EFL1: variants seen among roughly 807,000 people sequenced by gnomAD.
The protein encoded by EFL1 is elongation factor like GTPase 1, also known as elongation factor-like GTPase 1.
EFL1 carries 76 observed loss-of-function variants against 126.7 expected under a neutral mutation model. That is an observed-to-expected ratio of 0.60 (90% CI 0.50 to 0.73). The LOEUF (loss-of-function observed/expected upper bound fraction) is 0.73. Among genes scored for constraint, EFL1 ranks in the 30% least tolerant of loss-of-function variants. The pLI, the probability that EFL1 is intolerant of heterozygous loss-of-function variation, is 0.00. For synonymous variants in EFL1, 410 were observed against 448.4 expected, an observed-to-expected ratio of 0.91 and a Z score of 1.08; for missense variants, 1,128 against 1,343.2, an observed-to-expected ratio of 0.84 and a Z score of 2.50.
chr15:82,235,316 G>T (rs112646753), intron 7 of EFL1, among the ~76,000 whole-genome samples: 2,441 of 152,246 alleles, frequency 0.016, 68 homozygotes, highest in African/African-American at 0.056. Context: ...AATAAAGCTA[G>T]ACTAACTTTT....
At chr15:82,195,607 T>G (rs2074400350) in intron 15 of EFL1, among the ~76,000 whole-genome samples, 1 of 152,208 alleles carries the variant, frequency 6.6e-6, no homozygotes, top group Admixed American at 6.5e-5. Flanking sequence ...GTTTCCCATA[T>G]GTAACCTAGA....
rs965950622 is a variant in EFL1, at chr15:82,152,239, G to C, written c.2215C>G (p.Leu739Val). 3.1e-6 allele frequency: 5 copies of C among 1,614,172 alleles called. No individual in the cohort carries two copies. The highest frequency in any genetic ancestry group is 4.2e-6 in the Non-Finnish European group (5 of 1,180,020). The change falls in exon 18 of 20, where the codon CTA becomes GTA. Residue 739 changes from leucine to valine, a missense_variant. This residue lies in a region of EFL1 where 561 missense variants were observed against 641.7 expected (regional missense o/e 0.87). Transcript: ENST00000268206. ...PEGIQVDSDG[L>V]ITITTPNKLA... The stretch of plus-strand genomic sequence containing the variant: ...TTATTGGGAGTTGTTATGGTGATTA[G>C]CCCGTCAGAGTCAACTTGGATTCCT...
At chr15:82,180,482 C>T (rs2074241698) in intron 15 of EFL1, among the ~76,000 whole-genome samples, 4 of 150,836 alleles carry the variant, frequency 2.7e-5, no homozygotes, top group Admixed American at 2.6e-4. Context: ...TGGCAATAGA[C>T]TAATTATCCA....
At chr15:82,246,342 A>C (rs189774279) in intron 4 of EFL1, among the ~76,000 whole-genome samples, 2 of 152,236 alleles carry the variant, frequency 1.3e-5, no homozygotes, top group African/African-American at 4.8e-5. Context: ...TGGAGTAAAA[A>C]AAAGGTTGAT....
chr15:82,211,303 G>A (rs1450613288), intron 15 of EFL1, among the ~76,000 whole-genome samples: 2 of 151,488 alleles, frequency 1.3e-5, no homozygotes, highest in Non-Finnish European at 2.9e-5. Context: ...GAGGCAGGCA[G>A]ATCATGAGGT....
At chr15:82,225,716 T>C (rs1033978079) in intron 11 of EFL1, among the ~76,000 whole-genome samples, 4 of 151,998 alleles carry the variant, frequency 2.6e-5, no homozygotes, top group African/African-American at 7.2e-5. Flanking sequence ...AGTTAGAAAA[T>C]AAAATGGACA....
intron 15 of EFL1, among the ~76,000 whole-genome samples, chr15:82,176,293 A>G (rs976878430): frequency 6.6e-6 from 1 of 152,218 alleles, no homozygotes; most frequent in African/African-American, 2.4e-5. Flanking sequence ...GATTTCTTAA[A>G]CAAGACACAA....
At chr15:82,142,744 C>G (rs1685591131) in intron 18 of EFL1, among the ~76,000 whole-genome samples, 1 of 152,170 alleles carries the variant, frequency 6.6e-6, no homozygotes, top group South Asian at 2.1e-4. Flanking sequence ...ACAGCCTCTC[C>G]AAGCCAAGGT....
intron 7 of EFL1, among the ~76,000 whole-genome samples, chr15:82,232,895 T>G (rs1435710013): frequency 6.6e-6 from 1 of 152,150 alleles, no homozygotes; most frequent in African/African-American, 2.4e-5. Context: ...GTGGTTTCTA[T>G]TCTTCCAGGA....
At chr15:82,175,463 C>G (rs559212046) in intron 15 of EFL1, among the ~76,000 whole-genome samples, 21 of 152,252 alleles carry the variant, frequency 1.4e-4, no homozygotes, top group African/African-American at 5.1e-4. Flanking sequence ...CATTTTCTTT[C>G]TTACTTAGTA....
chr15:82,143,902 T>A (rs1405056000), intron 18 of EFL1, among the ~76,000 whole-genome samples: 1 of 152,192 alleles, frequency 6.6e-6, no homozygotes. Flanking sequence ...GGTCTTGTTA[T>A]GTTCCCACAG....
chr15:82,138,466 T>A (rs550534059), intron 19 of EFL1, among the ~76,000 whole-genome samples, 192 bp downstream of exon 19: 1 of 111,814 alleles, frequency 8.9e-6, no homozygotes, highest in South Asian at 3.0e-4. Flanking sequence ...GTGTTTATTA[T>A]AAACCACAGA....
At chr15:82,228,449 A>C (rs1228751936) in intron 9 of EFL1, 122 bp from the exon 10 acceptor site, 4 of 1,282,324 alleles carry the variant, frequency 3.1e-6, no homozygotes, top group Non-Finnish European at 3.1e-6. Context: ...AAAGCTAAAA[A>C]TGATTGAAGG....
intron 16 of EFL1, among the ~76,000 whole-genome samples, chr15:82,159,775 A>T (rs56050367): frequency 0.014 from 2,116 of 152,318 alleles, 25 homozygotes; most frequent in African/African-American, 0.026. Context: ...CCTTTTAATA[A>T]TTGGGAAAAT....
intron 16 of EFL1, among the ~76,000 whole-genome samples, chr15:82,161,052 G>A (rs1436090881): frequency 6.6e-6 from 1 of 152,134 alleles, no homozygotes; most frequent in East Asian, 1.9e-4. Context: ...GTAGAGGGTG[G>A]CTGCCATGAG....
At chr15:82,133,895 A>G (rs2073689905) in intron 19 of EFL1, among the ~76,000 whole-genome samples, 1 of 152,170 alleles carries the variant, frequency 6.6e-6, no homozygotes, top group African/African-American at 2.4e-5. Context: ...TCAAACCCAG[A>G]GAGTGAGGAG....
At chr15:82,203,756 G>T (rs749088531) in intron 15 of EFL1, among the ~76,000 whole-genome samples, 1 of 152,154 alleles carries the variant, frequency 6.6e-6, no homozygotes, top group Non-Finnish European at 1.5e-5. Flanking sequence ...ACTGACTGAA[G>T]TTGATACATA....
At chr15:82,217,373 GAAAAAAA>G in intron 14 of EFL1, among the ~76,000 whole-genome samples, 7 of 27,150 alleles carry the variant, frequency 2.6e-4, no homozygotes, top group South Asian at 1.7e-3. Flanking sequence ...GATTAGATTT[GAAAAAAA>G]AAAAAAAAAA....
At chr15:82,205,156 C>G (rs536850356) in intron 15 of EFL1, among the ~76,000 whole-genome samples, 39 of 152,280 alleles carry the variant, frequency 2.6e-4, no homozygotes, top group African/African-American at 8.9e-4. Flanking sequence ...ACTAGGGAAG[C>G]CCCAAATCAT....
Sources: gnomAD v4.1 joint callset for allele counts (sites outside exome capture counted in the v4.1 genomes callset) on GRCh38, gnomAD v4.1.1 for gene constraint, gnomAD v4.1.1 regional missense constraint, MANE v1.5 for transcripts, NCBI Gene and HGNC (gene_info 2026-07-23, HGNC 2026-07-21) for gene names.